Variants in NARF observed in about 807,000 individuals in gnomAD.
The protein encoded by NARF is iron-only hydrogenase-like protein 2.
In NARF, 41 loss-of-function variants were observed where a neutral mutation model predicts 48.0. The ratio of observed to expected loss-of-function variants is 0.85; its 90% CI spans 0.66 to 1.11. NARF has a LOEUF of 1.11. Among genes scored for constraint, NARF ranks in the 50% least tolerant of loss-of-function variants. The pLI is 0.00. For synonymous variants in NARF, 215 were observed against 225.5 expected, an observed-to-expected ratio of 0.95 and a Z score of 0.42; for missense variants, 613 against 590.2, an observed-to-expected ratio of 1.04 and a Z score of -0.40.
At chr17:82,464,900 C>T (rs1033355781) in intron 3 of NARF, among the ~76,000 whole-genome samples, 1 of 152,202 alleles carries the variant, frequency 6.6e-6, no homozygotes, top group African/African-American at 2.4e-5. Context: ...CTGCAGACCT[C>T]CTATACAGAA....
rs1441741999 is a variant in NARF at position 82,489,413 on chromosome 17, C to T, written c.*1256C>T. ...CTCGCACTGGGGCAAGGGTGACAGA[C>T]ACGAGAATGGAAAATTGAGAAGGCT... On this transcript the variant is annotated 3_prime_UTR_variant, in exon 11 of 11. Coordinates refer to ENST00000309794, the MANE Select transcript of NARF (RefSeq NM_012336.4). The T allele has an allele frequency of 6.6e-6, 1 of 152,552 alleles. No homozygotes were observed. Among genetic ancestry groups the T allele is most frequent in the Non-Finnish European group, 1.5e-5 (1 of 68,270 alleles). The allele number at this position is 152,552 out of a possible 1,614,324, so 9.4% of individuals were successfully genotyped here.
chr17:82,465,513 C>G (rs1201878388), intron 3 of NARF, among the ~76,000 whole-genome samples: 1 of 152,140 alleles, frequency 6.6e-6, no homozygotes, highest in Non-Finnish European at 1.5e-5. Flanking sequence ...AGCCAAGGAG[C>G]CTTCTCAGCG....
Position 82,474,020 on chromosome 17 carries a change from CA to C in NARF, c.520+1331del, listed in dbSNP as rs908012761. Among the ~76,000 whole-genome samples, 10 of 144,166 alleles carry C rather than the reference CA, an allele frequency of 6.9e-5. No individual in the cohort carries two copies. In the East Asian group the frequency reaches 1.7e-3, roughly 24 times the overall value. The allele number at this position is 144,166 out of a possible 152,430, so 94.6% of individuals were successfully genotyped here. A position where few individuals can be genotyped will look rare whatever the true frequency, so the allele number is the denominator to read the frequency against. ...TCAACATAGTGAGACCTCGTCTCTG[CA>C]AAAAAAAACAAAAAAAAGCCAGGGG... On this transcript the variant is annotated intron_variant, in intron 5 of 10. Transcript: ENST00000309794.
rs770103245 is a variant in NARF at position 82,478,866 on chromosome 17, C to T, written c.587C>T (p.Ser196Phe). ...PITAHLCTAK[S>F]PQQVMGSLVK... ...ACTGCCCACCTCTGCACCGCCAAGTCCCCCCAGCAGGTCATGGGCTCTTTG... is the reference window on the plus strand; with the variant it reads ...ACTGCCCACCTCTGCACCGCCAAGTTCCCCCAGCAGGTCATGGGCTCTTTG... Residue 196 changes from serine (S) to phenylalanine (F), a missense_variant, in exon 6 of 11, where the codon TCC (serine) becomes TTC (phenylalanine). Transcript: ENST00000309794. The T allele has an allele frequency of 1.9e-6, 3 of 1,613,902 alleles. No individual in the cohort carries two copies. The highest frequency in any genetic ancestry group is 2.5e-6 in the Non-Finnish European group (3 of 1,179,934).
At chr17:82,487,797 C>CGAAAAA in intron 10 of NARF, 119 bp from the exon 11 acceptor site, 1 of 505,672 alleles carries the variant, frequency 2.0e-6, no homozygotes, top group Non-Finnish European at 3.4e-6. Flanking sequence ...CCAATCTCTA[C>CGAAAAA]AAAAAATTTA....
chr17:82,483,443 G>A (rs914855856), intron 7 of NARF: 2 of 405,648 alleles, frequency 4.9e-6, no homozygotes, highest in South Asian at 2.7e-5. Context: ...TTTCCACATG[G>A]GAAAATCATG....
chr17:82,473,987 C>G (rs1351743809), intron 5 of NARF, among the ~76,000 whole-genome samples: 1 of 151,926 alleles, frequency 6.6e-6, no homozygotes, highest in Non-Finnish European at 1.5e-5. Context: ...AGTGTGGGAC[C>G]AGTCTCGTCA....
intron 2 of NARF, 185 bp from the exon 3 acceptor site, chr17:82,464,102 C>T (rs2043502847): frequency 4.5e-6 from 3 of 663,144 alleles, no homozygotes; most frequent in Admixed American, 3.2e-5. Context: ...TCCTGTGTCC[C>T]TTCACCACCT....
intron 1 of NARF, chr17:82,459,569 T>G: frequency 5.7e-6 from 1 of 174,024 alleles, no homozygotes; most frequent in South Asian, 1.1e-4. Flanking sequence ...ACTAGAAGGG[T>G]TAGAAGGATA....
At chr17:82,474,981 A>G (rs940578174) in intron 5 of NARF, among the ~76,000 whole-genome samples, 1 of 152,104 alleles carries the variant, frequency 6.6e-6, no homozygotes, top group African/African-American at 2.4e-5. Flanking sequence ...GCCTTTTACT[A>G]GATTGTGGGT....
At chr17:82,468,942 A>G in intron 4 of NARF, 46 bp downstream of exon 4, 1 of 1,602,730 alleles carries the variant, frequency 6.2e-7, no homozygotes, top group Non-Finnish European at 8.5e-7. Flanking sequence ...TTGAGTTTAT[A>G]AGCGCCCTTT....
intron 3 of NARF, among the ~76,000 whole-genome samples, chr17:82,466,137 G>A (rs942409356): frequency 2.0e-5 from 3 of 152,164 alleles, no homozygotes; most frequent in Non-Finnish European, 4.4e-5. Context: ...ATACAGCTTT[G>A]CAGACTACTA....
intron 2 of NARF, 103 bp from the exon 3 acceptor site, chr17:82,464,178 ATTATCT>A (rs2043505225): frequency 1.4e-6 from 2 of 1,415,790 alleles, no homozygotes; most frequent in Admixed American, 4.1e-5. Context: ...GGACCCTGGT[ATTATCT>A]CCAATGTTTA....
intron 4 of NARF, among the ~76,000 whole-genome samples, chr17:82,471,728 C>T (rs2043711444): frequency 7.1e-6 from 1 of 140,380 alleles, no homozygotes; most frequent in Non-Finnish European, 1.5e-5. Flanking sequence ...AGAGGCGGAG[C>T]TTGCAGTGAG....
At position 82,483,796 on chromosome 17, in the gene NARF, G is replaced by A. The variant is rs1019348697; in HGVS notation, c.833+17G>A. The stretch of plus-strand genomic sequence containing the variant: ...CGACACTCTGTAAGTGGCTTCTCTG[G>A]GGAGAGTCCTCTGGGGGGCAGGACC... On this transcript the variant is annotated intron_variant, in intron 8 of 10. Transcript: ENST00000309794. 2 of 1,612,222 alleles carry A rather than the reference G, an allele frequency of 1.2e-6. No individual in the cohort carries two copies. Among genetic ancestry groups the A allele is most frequent in the African/African-American group, 2.7e-5 (2 of 74,860 alleles).
intron 4 of NARF, among the ~76,000 whole-genome samples, 174 bp downstream of exon 4, chr17:82,469,070 G>A (rs1378005893): frequency 1.3e-5 from 2 of 152,192 alleles, no homozygotes; most frequent in Non-Finnish European, 2.9e-5. Context: ...TCTGATCGAT[G>A]GTAGACGAGT....
chr17:82,464,070 T>A, intron 2 of NARF: 1 of 526,396 alleles, frequency 1.9e-6, no homozygotes, highest in South Asian at 2.8e-5. Context: ...TTCCCTAGTG[T>A]CATTGTGGGC....
intron 3 of NARF, among the ~76,000 whole-genome samples, chr17:82,466,994 T>C (rs1197667237): frequency 2.0e-5 from 3 of 150,448 alleles, no homozygotes; most frequent in South Asian, 2.1e-4. Context: ...TACCTGGCCT[T>C]CTTTTTTTTT....
In NARF at chr17:82,481,655, G is replaced by A. The variant is rs561022840; in HGVS notation, c.769+444G>A. Among the ~76,000 whole-genome samples, 379 of 151,984 alleles carry A rather than the reference G, an allele frequency of 2.5e-3. 1 individual carries two copies. Among genetic ancestry groups the A allele is most frequent in the Non-Finnish European group, 4.2e-3 (287 of 67,966 alleles). ...TGAGGCAGGAGAATCGCTTGAACCCGGGAGGCAGAGGTTGCAGTAAGCCGA... is the reference window on the plus strand; with the variant it reads ...TGAGGCAGGAGAATCGCTTGAACCCAGGAGGCAGAGGTTGCAGTAAGCCGA... On this transcript the variant is annotated intron_variant, in intron 7 of 10. Coordinates refer to ENST00000309794, the MANE Select transcript of NARF (RefSeq NM_012336.4).
Sources: allele counts gnomAD v4.1 joint callset (sites outside exome capture counted in the v4.1 genomes callset), GRCh38; gene constraint gnomAD v4.1.1; transcripts MANE v1.5; gene names NCBI Gene and HGNC (gene_info 2026-07-23, HGNC 2026-07-21).